Variants in PEX14 observed in about 807,000 individuals in gnomAD.
The protein encoded by PEX14 is peroxisomal biogenesis factor 14.
PEX14 carries 15 observed loss-of-function variants against 49.5 expected under a neutral mutation model. That is an observed-to-expected ratio of 0.30 (90% CI 0.20 to 0.47). The LOEUF is 0.47. Among genes scored for constraint, PEX14 ranks in the 20% least tolerant of loss-of-function variants. The pLI is 1.00. For missense variants in PEX14, 398 were observed against 494.8 expected, an observed-to-expected ratio of 0.80 and a Z score of 1.86; for synonymous variants, 210 against 212.7, an observed-to-expected ratio of 0.99 and a Z score of 0.11.
At chr1:10,541,835 C>G (rs1161488914) in intron 3 of PEX14, among the ~76,000 whole-genome samples, 1 of 152,190 alleles carries the variant, frequency 6.6e-6, no homozygotes, top group Non-Finnish European at 1.5e-5. Flanking sequence ...CCTGGCTTCC[C>G]CATTCAGAGC....
At chr1:10,533,288 A>T (rs1638701499) in intron 2 of PEX14, among the ~76,000 whole-genome samples, 1 of 152,072 alleles carries the variant, frequency 6.6e-6, no homozygotes, top group South Asian at 2.1e-4. Context: ...TCAGACAAAG[A>T]TCAAGAGGAA....
At chr1:10,546,550 C>T (rs6674521) in intron 3 of PEX14, among the ~76,000 whole-genome samples, 18,773 of 98,366 alleles carry the variant, frequency 0.19, 1,718 homozygotes, top group African/African-American at 0.32. Context: ...GGTGACAGAG[C>T]GAGACTCTGT....
intron 2 of PEX14, among the ~76,000 whole-genome samples, chr1:10,499,908 T>G (rs1264655086): frequency 1.3e-5 from 2 of 152,176 alleles, no homozygotes. Context: ...AGTGCCAAAG[T>G]GCCCTCAGGT....
chr1:10,486,517 A>G (rs898895819), intron 1 of PEX14, among the ~76,000 whole-genome samples: 1 of 151,804 alleles, frequency 6.6e-6, no homozygotes, highest in African/African-American at 2.4e-5. Context: ...CTGTCTCTAT[A>G]CAAATTTTTA....
chr1:10,622,552 TTCAC>T (rs1316944846), intron 5 of PEX14, among the ~76,000 whole-genome samples: 2 of 152,202 alleles, frequency 1.3e-5, no homozygotes, highest in Non-Finnish European at 2.9e-5. Flanking sequence ...GAATAGGTGA[TTCAC>T]TCACAGGTTC....
intron 2 of PEX14, among the ~76,000 whole-genome samples, chr1:10,511,361 C>G (rs781233397): frequency 2.6e-5 from 4 of 152,080 alleles, no homozygotes; most frequent in Non-Finnish European, 4.4e-5. Context: ...CTGCCTCCCC[C>G]CTTTGATGAC....
chr1:10,564,973 A>G (rs1391599009), intron 3 of PEX14, among the ~76,000 whole-genome samples: 24 of 140,958 alleles, frequency 1.7e-4, no homozygotes, highest in African/African-American at 6.5e-4. Flanking sequence ...GCACGATCTC[A>G]GCTCACTGCA....
intron 1 of PEX14, among the ~76,000 whole-genome samples, chr1:10,486,009 C>T (rs1298138401): frequency 6.6e-6 from 1 of 152,026 alleles, no homozygotes; most frequent in Non-Finnish European, 1.5e-5. Flanking sequence ...CTGCCTGCCC[C>T]AGCCTCCCAA....
chr1:10,622,808 C>T (rs1365678127), intron 5 of PEX14, among the ~76,000 whole-genome samples: 5 of 152,246 alleles, frequency 3.3e-5, no homozygotes, highest in African/African-American at 1.2e-4. Context: ...CACGTTCCCT[C>T]CTGGTCCTTG....
At chr1:10,528,650 C>A (rs1033975643) in intron 2 of PEX14, among the ~76,000 whole-genome samples, 2 of 152,114 alleles carry the variant, frequency 1.3e-5, no homozygotes, top group Admixed American at 1.3e-4. Context: ...TTTAACAGTG[C>A]AGGGAAATTA....
intron 2 of PEX14, among the ~76,000 whole-genome samples, chr1:10,516,048 T>C (rs1460922955): frequency 2.0e-5 from 3 of 152,240 alleles, no homozygotes; most frequent in African/African-American, 7.2e-5. Context: ...CTGATGCTAC[T>C]GTTTTTTCCC....
At chr1:10,518,520 TC>T in intron 2 of PEX14, among the ~76,000 whole-genome samples, 1 of 152,170 alleles carries the variant, frequency 6.6e-6, no homozygotes. Context: ...TTTCTTACAT[TC>T]TTGTAGTGTA....
intron 3 of PEX14, among the ~76,000 whole-genome samples, chr1:10,538,957 T>C (rs946450789): frequency 2.0e-5 from 3 of 152,102 alleles, no homozygotes; most frequent in Non-Finnish European, 4.4e-5. Flanking sequence ...CTTGACTTTC[T>C]TTTTTTTAAT....
Position 10,629,750 on chromosome 1 carries a change from C to T in PEX14, c.897C>T (p.Gly299=), listed in dbSNP as rs747580093. The change falls in exon 9 of 9, where the codon GGC becomes GGT. Residue 299 remains glycine (G), a synonymous_variant. Coordinates refer to ENST00000356607, the MANE Select transcript of PEX14 (RefSeq NM_004565.3). This position sits in a 1 kb window ranked among gnomAD's most constrained non-coding sequence, Gnocchi z 8.5. ...ACTTGCTGGGCCCCCAGGAGGAAGGCGAGGGGGTGGTGGACGTCAAGGGCC... is the reference window on the plus strand; with the variant it reads ...ACTTGCTGGGCCCCCAGGAGGAAGGTGAGGGGGTGGTGGACGTCAAGGGCC... ...TYHLLGPQEE[G]EGVVDVKGQV... The T allele has an allele frequency of 1.8e-5, 28 of 1,588,222 alleles. No individual in the cohort carries two copies. Among genetic ancestry groups the T allele is most frequent in the East Asian group, 2.3e-5 (1 of 43,464 alleles).
intron 1 of PEX14, among the ~76,000 whole-genome samples, chr1:10,492,587 G>A (rs2124396746): frequency 1.3e-5 from 2 of 152,300 alleles, no homozygotes; most frequent in Admixed American, 1.3e-4. Flanking sequence ...AATTAAAGGA[G>A]GAAAGAGCTA....
intron 4 of PEX14, among the ~76,000 whole-genome samples, chr1:10,610,368 TATATACACACAC>T (rs1363543933): frequency 2.8e-5 from 2 of 70,240 alleles, no homozygotes; most frequent in Non-Finnish European, 6.8e-5. Context: ...TATATATATA[TATATACACACAC>T]ACACACACAC....
chr1:10,601,681 G>A (rs963840441), intron 4 of PEX14, among the ~76,000 whole-genome samples: 1 of 152,234 alleles, frequency 6.6e-6, no homozygotes, highest in Non-Finnish European at 1.5e-5. Flanking sequence ...TACTGGGTTA[G>A]CACCTGTGAC....
intron 1 of PEX14, among the ~76,000 whole-genome samples, chr1:10,493,569 A>C (rs141713494): frequency 6.6e-6 from 1 of 152,252 alleles, no homozygotes; most frequent in Non-Finnish European, 1.5e-5. Flanking sequence ...CTGGGAGTAC[A>C]AGCGCACACC....
At chr1:10,627,776 C>T (rs1031325919) in intron 8 of PEX14, among the ~76,000 whole-genome samples, 1 of 152,212 alleles carries the variant, frequency 6.6e-6, no homozygotes, top group African/African-American at 2.4e-5. Flanking sequence ...AAGGGTTCCA[C>T]AACTGAAGAC....
Sources: allele counts gnomAD v4.1 joint callset (sites outside exome capture counted in the v4.1 genomes callset), GRCh38; gene constraint gnomAD v4.1.1; non-coding constraint Gnocchi (gnomAD v3.1); transcripts MANE v1.5; gene names NCBI Gene and HGNC (gene_info 2026-07-23, HGNC 2026-07-21).